KANK2: variants seen among roughly 807,000 people sequenced by gnomAD.
KANK2 encodes the protein KN motif and ankyrin repeat domain-containing protein 2.
A neutral mutation model predicts 74.6 loss-of-function variants in KANK2; 41 were observed. The observed-to-expected ratio is 0.55, with a 90% CI of 0.43 to 0.71. The LOEUF (loss-of-function observed/expected upper bound fraction) is 0.71, where lower values mean the gene tolerates loss of function less well. Ranked by LOEUF, KANK2 falls within the 30% of genes least tolerant of loss-of-function variation. The pLI, the probability that KANK2 is intolerant of heterozygous loss-of-function variation, is 0.00. For synonymous variants in KANK2, 537 were observed against 519.0 expected, an observed-to-expected ratio of 1.03 and a Z score of -0.47; for missense variants, 1,148 against 1,196.4, an observed-to-expected ratio of 0.96 and a Z score of 0.60.
At position 11,194,582 on chromosome 19, in the gene KANK2, G is replaced by A. The variant is rs2078961746; in HGVS notation, c.-71C>T. 7.9e-7 allele frequency: 1 copy of A among 1,269,956 alleles called. No homozygotes were observed. Among genetic ancestry groups the A allele is most frequent in the Non-Finnish European group, 1.1e-6 (1 of 869,706 alleles). The allele number at this position is 1,269,956 out of a possible 1,614,324, so 78.7% of individuals were successfully genotyped here. Reference sequence around the variant, plus strand: ...AGTCAGACTGCCTGCAGCACCGGCTGAGGCTTACCTGGGGAAAGAGAACCA... The same window carrying A: ...AGTCAGACTGCCTGCAGCACCGGCTAAGGCTTACCTGGGGAAAGAGAACCA... On this transcript the variant is annotated 5_prime_UTR_variant, in exon 3 of 13. Coordinates refer to ENST00000586659, the MANE Select transcript of KANK2 (RefSeq NM_001136191.3).
chr19:11,180,394 C>G (rs995643131), intron 4 of KANK2, among the ~76,000 whole-genome samples: 1 of 151,858 alleles, frequency 6.6e-6, no homozygotes, highest in South Asian at 2.1e-4. Context: ...TATGCCCAGC[C>G]TTAAATTTTT....
At chr19:11,187,849 A>G (rs1456838628) in intron 4 of KANK2, among the ~76,000 whole-genome samples, 3 of 152,294 alleles carry the variant, frequency 2.0e-5, no homozygotes, top group East Asian at 3.9e-4. Context: ...GCTATTTAGG[A>G]GGCCGACGTG....
At chr19:11,187,226 C>T (rs1454022750) in intron 4 of KANK2, among the ~76,000 whole-genome samples, 1 of 151,972 alleles carries the variant, frequency 6.6e-6, no homozygotes, top group Non-Finnish European at 1.5e-5. Flanking sequence ...CACTGCACTC[C>T]ACCCTGGGCA....
At chr19:11,196,805 G>A (rs1209381533) in intron 1 of KANK2, 3 of 152,338 alleles carry the variant, frequency 2.0e-5, no homozygotes, top group Non-Finnish European at 2.9e-5. Flanking sequence ...CCTATAAGAG[G>A]GGACAGGTAG....
chr19:11,193,157 G>A lies in KANK2; in HGVS notation c.923C>T (p.Ala308Val), dbSNP rs144259060. The A allele has an allele frequency of 1.6e-4, 250 of 1,609,666 alleles. No homozygotes were observed. The highest frequency in any genetic ancestry group is 2.0e-4 in the Non-Finnish European group (236 of 1,178,790). Residue 308 changes from alanine (A) to valine (V), a missense_variant, in exon 4 of 13, where the codon GCC becomes GTC. Transcript: ENST00000586659. This position sits in a 1 kb window ranked among gnomAD's most constrained non-coding sequence, Gnocchi z 9.6. ...CTGGGGCTGGGGGTCAGCCTGCCGG[G>A]CCTGAGCTGCCTGCAGCTCCTGCAG... Reference protein sequence around the residue: ...KALQELQAAQARQADPQPQAW... With the variant: ...KALQELQAAQVRQADPQPQAW...
chr19:11,192,340 TCC>T (rs2078868742), intron 4 of KANK2: 1 of 180,504 alleles, frequency 5.5e-6, no homozygotes, highest in Non-Finnish European at 1.2e-5. Flanking sequence ...TGCACAATTC[TCC>T]TCCTTTTGTG....
chr19:11,173,258 C>T, intron 9 of KANK2, 135 bp from the exon 10 acceptor site: 1 of 839,102 alleles, frequency 1.2e-6, no homozygotes, highest in Non-Finnish European at 1.7e-6. Context: ...CCCCACTCTG[C>T]CCTAGAGGTC....
rs1014988961 is a variant in KANK2, at chr19:11,166,709, G to A, written c.2503-98C>T. On this transcript the variant is annotated intron_variant, in intron 12 of 12. Transcript: ENST00000586659. ...GCCTGGTAGATATGATGGGTAAGCAGGAGGGAGGCGTGGCCCCTGGCCCCA... is the reference window on the plus strand; with the variant it reads ...GCCTGGTAGATATGATGGGTAAGCAAGAGGGAGGCGTGGCCCCTGGCCCCA... 4 of 1,165,506 alleles carry A rather than the reference G, an allele frequency of 3.4e-6. No homozygotes were observed. In the South Asian group the frequency reaches 3.8e-5, roughly 11 times the overall value. 72.2% of individuals were successfully genotyped at this position (1,165,506 alleles called of 1,614,324 possible). A position where few individuals can be genotyped will look rare whatever the true frequency, so the allele number is the denominator to read the frequency against.
At chr19:11,177,820 T>C (rs2078389280) in intron 6 of KANK2, among the ~76,000 whole-genome samples, 3 of 152,178 alleles carry the variant, frequency 2.0e-5, no homozygotes, top group African/African-American at 7.2e-5. Flanking sequence ...CGTGTCACTC[T>C]GCTTTCCCAC....
At position 11,178,300 on chromosome 19, in the gene KANK2, A is replaced by AG. The variant is rs139114831; in HGVS notation, c.1520+44dup. On this transcript the variant is annotated intron_variant, in intron 6 of 12. Transcript: ENST00000586659. ...GCTCTCGTGCGTGGATGAATGGAGG[A>AG]GGGGCGGGAAGTATGGGGTGGGGGG... 107,803 of 994,228 alleles carry AG rather than the reference A, an allele frequency of 0.11. 4,693 individuals carry two copies. The highest frequency in any genetic ancestry group is 0.18 in the African/African-American group (8,115 of 45,956). The allele number at this position is 994,228 out of a possible 1,614,324, so 61.6% of individuals were successfully genotyped here. A position where few individuals can be genotyped will look rare whatever the true frequency, so the allele number is the denominator to read the frequency against.
At chr19:11,191,202 G>A (rs533986868) in intron 4 of KANK2, among the ~76,000 whole-genome samples, 33 of 151,512 alleles carry the variant, frequency 2.2e-4, no homozygotes, top group African/African-American at 5.6e-4. Flanking sequence ...CACCACGCCC[G>A]GCTAATTTTT....
chr19:11,192,112 T>G (rs2147609236), intron 4 of KANK2, among the ~76,000 whole-genome samples: 1 of 152,298 alleles, frequency 6.6e-6, no homozygotes, highest in Admixed American at 6.5e-5. Context: ...CAGCCATGCC[T>G]GAAGCTGTCA....
rs760221803 is a variant in KANK2 at position 11,170,387 on chromosome 19, A to C, written c.2212-139T>G. 210 of 655,294 alleles carry C rather than the reference A, an allele frequency of 3.2e-4. No individual in the cohort carries two copies. Among genetic ancestry groups the C allele is most frequent in the Non-Finnish European group, 4.1e-4 (155 of 381,852 alleles). The allele number at this position is 655,294 out of a possible 1,614,324, so 40.6% of individuals were successfully genotyped here. On this transcript the variant is annotated intron_variant, in intron 10 of 12. Coordinates refer to ENST00000586659, the MANE Select transcript of KANK2 (RefSeq NM_001136191.3). The surrounding 1 kb of genome is among the most constrained non-coding windows in gnomAD (Gnocchi z 5.2). The stretch of plus-strand genomic sequence containing the variant: ...CTTGCTGATCTCCTCCTGAATCTCA[A>C]ACAACCCTCCCGTCACCAGGGGAGT...
Position 11,166,532 on chromosome 19 carries a change from C to A in KANK2, c.*26G>T. 1 of 1,610,760 alleles carries A rather than the reference C, an allele frequency of 6.2e-7. No individual in the cohort carries two copies. The highest frequency in any genetic ancestry group is 8.5e-7 in the Non-Finnish European group (1 of 1,176,928). On this transcript the variant is annotated 3_prime_UTR_variant, in exon 13 of 13. Transcript: ENST00000586659. Reference sequence around the variant, plus strand: ...GGACAAGGGACGGTTTGCTCCCGGTCTGGCTGGTCCCCGCCTCCCTCACGG... The same window carrying A: ...GGACAAGGGACGGTTTGCTCCCGGTATGGCTGGTCCCCGCCTCCCTCACGG...
rs114414326 is a variant in KANK2 at position 11,178,453 on chromosome 19, G to A, written c.1418-6C>T. ...CACGCCTGCCGGGGGCCCGCCTGGA[G>A]GGGAGGACAGCGGAGGTGCTGTGAG... On this transcript the variant is annotated splice_polypyrimidine_tract_variant and splice_region_variant and intron_variant, in intron 5 of 12. Transcript: ENST00000586659. The A allele has an allele frequency of 2.7e-3, 4,265 of 1,600,306 alleles. 77 individuals are homozygous for A. The African/African-American group carries it at 0.048, about 18-fold the overall frequency.
In KANK2 at chr19:11,175,956, G is replaced by A. The variant is rs1299557632; in HGVS notation, c.1794C>T (p.Cys598=). 1.9e-5 allele frequency: 30 copies of A among 1,613,938 alleles called. No homozygotes were observed. The highest frequency in any genetic ancestry group is 8.9e-5 in the East Asian group (4 of 44,886). ...MELSPDLISA[C]LALEKYLDNP... is the part of the protein sequence containing the mutation. Reference sequence around the variant, plus strand: ...TGTCCAGGTACTTTTCCAGGGCCAAGCAGGCTGAGATGAGGTCAGGGCTTA... The same window carrying A: ...TGTCCAGGTACTTTTCCAGGGCCAAACAGGCTGAGATGAGGTCAGGGCTTA... The change falls in exon 8 of 13, where the codon TGC becomes TGT. Residue 598 remains cysteine (C), a synonymous_variant. Coordinates refer to ENST00000586659, the MANE Select transcript of KANK2 (RefSeq NM_001136191.3).
In KANK2 at chr19:11,193,287, G is replaced by A. The variant is rs1278567735; in HGVS notation, c.793C>T (p.Arg265Trp). Residue 265 changes from arginine to tryptophan, a missense_variant, in exon 4 of 13, where the codon CGG becomes TGG. Coordinates refer to ENST00000586659, the MANE Select transcript of KANK2 (RefSeq NM_001136191.3). The surrounding 1 kb of genome is among the most constrained non-coding windows in gnomAD (Gnocchi z 9.6). ...PPEDPVALET[R>W]SVGTWVRERD... ...TCTCGAACCCAGGTGCCCACACTCC[G>A]GGTCTCCAGTGCCACTGGGTCCTCT... is the stretch of plus-strand genomic sequence containing the variant. 4 of 1,611,740 alleles carry A rather than the reference G, an allele frequency of 2.5e-6. No homozygotes were observed. Among genetic ancestry groups the A allele is most frequent in the South Asian group, 1.1e-5 (1 of 91,066 alleles).
intron 10 of KANK2, 82 bp downstream of exon 10, chr19:11,172,899 C>G: frequency 6.7e-7 from 1 of 1,491,176 alleles, no homozygotes; most frequent in Non-Finnish European, 9.2e-7. Context: ...GTTAGACCAC[C>G]TGGGTTTGGG....
At chr19:11,174,431 C>T (rs1226997026) in intron 9 of KANK2, 42 bp downstream of exon 9, 4 of 1,501,328 alleles carry the variant, frequency 2.7e-6, no homozygotes, top group East Asian at 2.4e-5. Context: ...TGGCGGACAG[C>T]TGGCTGGTTT....
Sources: allele counts gnomAD v4.1 joint callset (sites outside exome capture counted in the v4.1 genomes callset), GRCh38; gene constraint gnomAD v4.1.1; non-coding constraint Gnocchi (gnomAD v3.1); transcripts MANE v1.5; gene names NCBI Gene and HGNC (gene_info 2026-07-23, HGNC 2026-07-21).